The following TMEM11 variants were observed in gnomAD, a reference collection of about 807,000 sequenced individuals.
TMEM11 encodes transmembrane protein 11, mitochondrial.
In TMEM11, 1 loss-of-function variant was observed where a neutral mutation model predicts 17.0. The observed-to-expected ratio is 0.06, with a 90% CI of 0.02 to 0.28. The LOEUF (loss-of-function observed/expected upper bound fraction) is 0.28, where lower values mean the gene tolerates loss of function less well. TMEM11 is among the 10% of genes least tolerant of loss of function. The probability of loss-of-function intolerance (pLI) is 1.00; values close to 1 mark genes in which losing one functional copy is unlikely to be tolerated. For synonymous variants in TMEM11, 122 were observed against 118.1 expected (o/e 1.03, Z -0.21); for missense variants, 172 against 252.9 (o/e 0.68, Z 2.17).
chr17:21,210,622 A>G (rs1286098316), intron 1 of TMEM11, among the ~76,000 whole-genome samples: 1 of 152,218 alleles, frequency 6.6e-6, no homozygotes, highest in Non-Finnish European at 1.5e-5. Context: ...ATGAACGTGT[A>G]AGGGCCACCT....
At chr17:21,213,969 G>A in intron 1 of TMEM11, 122 bp downstream of exon 1, 1 of 968,520 alleles carries the variant, frequency 1.0e-6, no homozygotes, top group Non-Finnish European at 1.5e-6. Flanking sequence ...AGTATGCCCG[G>A]CGAGGGTAGG....
rs1000351856 is a variant in TMEM11, at chr17:21,210,927, T to A, written c.62+3164A>T. On this transcript the variant is annotated intron_variant, in intron 1 of 1. Transcript: ENST00000317635. ...AAACAGGAACTCAAGAGCACACAGCTATACTCACATTCCAACAATCACGGA... is the reference window on the plus strand; with the variant it reads ...AAACAGGAACTCAAGAGCACACAGCAATACTCACATTCCAACAATCACGGA... The A allele has an allele frequency of 2.3e-6, 3 of 1,281,248 alleles. No homozygotes were observed. The African/African-American group carries it at 4.6e-5, about 20-fold the overall frequency. The allele number at this position is 1,281,248 out of a possible 1,614,324, so 79.4% of individuals were successfully genotyped here. A position where few individuals can be genotyped will look rare whatever the true frequency, so the allele number is the denominator to read the frequency against.
intron 1 of TMEM11, chr17:21,211,186 G>A (rs1465485672): frequency 1.6e-6 from 2 of 1,289,874 alleles, no homozygotes; most frequent in Non-Finnish European, 2.0e-6. Context: ...TCAGGTTACA[G>A]CTCAGAGTCT....
In TMEM11 at chr17:21,198,805, T is replaced by A; in HGVS notation, c.98A>T (p.His33Leu). ...SLSATDCYIVHEIYNGENAQD... is the reference protein window; with the variant it reads ...SLSATDCYIVLEIYNGENAQD... The stretch of plus-strand genomic sequence containing the variant: ...GGCATTCTCCCCATTGTAGATCTCA[T>A]GCACAATGTAGCAGTCTGTGGCCGA... The change falls in exon 2 of 2, where the codon CAT (histidine) becomes CTT (leucine). Residue 33 changes from histidine to leucine, a missense_variant. Physicochemically the swap from His to Leu is moderately conservative, Grantham distance 99. Around this residue, in one of 2 missense-constraint regions of TMEM11, gnomAD observed 123 missense variants for 213.6 expected, o/e 0.58. Transcript: ENST00000317635. The surrounding 1 kb of genome is among the most constrained non-coding windows in gnomAD (Gnocchi z 6.5). The A allele has an allele frequency of 6.2e-7, 1 of 1,613,272 alleles. No individual in the cohort carries two copies. The highest frequency in any genetic ancestry group is 8.5e-7 in the Non-Finnish European group (1 of 1,179,804).
chr17:21,213,994 A>G, intron 1 of TMEM11, 97 bp downstream of exon 1: 1 of 1,192,010 alleles, frequency 8.4e-7, no homozygotes, highest in East Asian at 2.6e-5. Context: ...GCGCGGGGAA[A>G]CCAGGGAAGG....
At chr17:21,206,767 C>T (rs1974947106) in intron 1 of TMEM11, among the ~76,000 whole-genome samples, 1 of 152,132 alleles carries the variant, frequency 6.6e-6, no homozygotes, top group Non-Finnish European at 1.5e-5. Flanking sequence ...AACTCCTGAT[C>T]TCAGGTGATC....
chr17:21,203,433 A>G lies in TMEM11; in HGVS notation c.63-4593T>C, dbSNP rs376157392. Among the ~76,000 whole-genome samples, 61 of 152,302 alleles carry G rather than the reference A, an allele frequency of 4.0e-4. 1 individual carries two copies. The East Asian group carries it at 8.9e-3, about 22-fold the overall frequency. On this transcript the variant is annotated intron_variant, in intron 1 of 1. Coordinates refer to ENST00000317635, the MANE Select transcript of TMEM11 (RefSeq NM_003876.3). ...TCTCTTACTTCAGAAATTCGTGGCC[A>G]TGACCAGGTGCGGTGGCTCACGCCT...
chr17:21,212,179 A>G (rs929438842), intron 1 of TMEM11, among the ~76,000 whole-genome samples: 6 of 152,050 alleles, frequency 3.9e-5, no homozygotes, highest in Admixed American at 6.5e-5. Context: ...GTCTCCACCC[A>G]TACCACGTTA....
At chr17:21,212,494 G>A (rs765020219) in intron 1 of TMEM11, among the ~76,000 whole-genome samples, 8 of 152,206 alleles carry the variant, frequency 5.3e-5, no homozygotes, top group Non-Finnish European at 7.3e-5. Context: ...AAATCTGCTG[G>A]CAACTAATTT....
At chr17:21,199,678 T>G (rs1161454225) in intron 1 of TMEM11, among the ~76,000 whole-genome samples, 1 of 152,218 alleles carries the variant, frequency 6.6e-6, no homozygotes, top group African/African-American at 2.4e-5. Flanking sequence ...GAGCTTTGCC[T>G]TGGGCGAATG....
rs1974847453 is a variant in TMEM11 at position 21,198,716 on chromosome 17, C to T, written c.187G>A (p.Glu63Lys). The T allele has an allele frequency of 6.2e-7, 1 of 1,614,150 alleles. No individual in the cohort carries two copies. Among genetic ancestry groups the T allele is most frequent in the Non-Finnish European group, 8.5e-7 (1 of 1,180,056 alleles). The change falls in exon 2 of 2, where the codon GAG becomes AAG. Residue 63 changes from glutamate (E) to lysine (K), a missense_variant. Physicochemically the swap from Glu to Lys is moderately conservative, Grantham distance 56 (BLOSUM62 1). Around this residue, in one of 2 missense-constraint regions of TMEM11, gnomAD observed 123 missense variants for 213.6 expected, o/e 0.58. Coordinates refer to ENST00000317635, the MANE Select transcript of TMEM11 (RefSeq NM_003876.3). The surrounding 1 kb of genome is among the most constrained non-coding windows in gnomAD (Gnocchi z 6.5). ...LEAQYKYIVIEPTRIGDETAR... is the reference protein window; with the variant it reads ...LEAQYKYIVIKPTRIGDETAR... ...GTCTCGTCGCCAATGCGAGTGGGCT[C>T]AATCACAATGTACTTGTACTGGGCT... is the stretch of plus-strand genomic sequence containing the variant.
At chr17:21,203,544 G>A (rs965813482) in intron 1 of TMEM11, among the ~76,000 whole-genome samples, 1 of 151,922 alleles carries the variant, frequency 6.6e-6, no homozygotes, top group Non-Finnish European at 1.5e-5. Context: ...AGGTGAAACC[G>A]TCTTTACCAA....
chr17:21,198,276 G>T lies in TMEM11; in HGVS notation c.*48C>A, dbSNP rs765941424. On this transcript the variant is annotated 3_prime_UTR_variant, in exon 2 of 2. Transcript: ENST00000317635. The surrounding 1 kb of genome is among the most constrained non-coding windows in gnomAD (Gnocchi z 6.5). ...AGTGTGGCGATCTGAATACTCTGTT[G>T]TCTCTTGTGGGCCGGGTGGTTTTGC... The T allele has an allele frequency of 1.3e-5, 21 of 1,572,012 alleles. No individual in the cohort carries two copies. In the South Asian group the frequency reaches 2.5e-4, roughly 19 times the overall value.
intron 1 of TMEM11, among the ~76,000 whole-genome samples, chr17:21,211,399 TA>T (rs1232744102): frequency 6.6e-6 from 1 of 152,364 alleles, no homozygotes; most frequent in South Asian, 2.1e-4. Flanking sequence ...CGGAAGTGGC[TA>T]TTGAGCACTT....
intron 1 of TMEM11, among the ~76,000 whole-genome samples, chr17:21,212,257 T>A (rs1307671050): frequency 2.0e-5 from 3 of 152,110 alleles, no homozygotes; most frequent in Non-Finnish European, 4.4e-5. Flanking sequence ...ACACACAACA[T>A]CTGCGTGTGT....
intron 1 of TMEM11, 186 bp downstream of exon 1, chr17:21,213,905 G>A: frequency 1.7e-6 from 1 of 590,592 alleles, no homozygotes; most frequent in Non-Finnish European, 2.9e-6. Context: ...GCTCTCCGCC[G>A]AGGCCTTCGA....
intron 1 of TMEM11, among the ~76,000 whole-genome samples, chr17:21,199,909 C>T (rs1291587923): frequency 1.3e-5 from 2 of 152,228 alleles, no homozygotes; most frequent in African/African-American, 4.8e-5. Context: ...GCAGGAGGGT[C>T]AACTGAGGGG....
Position 21,204,994 on chromosome 17 carries a change from C to T in TMEM11, c.63-6154G>A, listed in dbSNP as rs550517186. Among the ~76,000 whole-genome samples, 8 of 152,250 alleles carry T rather than the reference C, an allele frequency of 5.3e-5. No homozygotes were observed. In the East Asian group the frequency reaches 1.5e-3, roughly 29 times the overall value. Reference sequence around the variant, plus strand: ...AAAGTGGGCATCTTGAACTTCCTCCCTCAGCCTTCAACCAGAGTCAGCCTT... The same window carrying T: ...AAAGTGGGCATCTTGAACTTCCTCCTTCAGCCTTCAACCAGAGTCAGCCTT... On this transcript the variant is annotated intron_variant, in intron 1 of 1. Transcript: ENST00000317635.
intron 1 of TMEM11, among the ~76,000 whole-genome samples, chr17:21,202,089 C>G (rs920047233): frequency 2.6e-5 from 4 of 152,090 alleles, no homozygotes; most frequent in Non-Finnish European, 4.4e-5. Flanking sequence ...CCTGGGTGTG[C>G]GGGGAGGGGC....
Sources: allele counts gnomAD v4.1 joint callset (sites outside exome capture counted in the v4.1 genomes callset), GRCh38; gene constraint gnomAD v4.1.1; regional missense constraint gnomAD v4.1.1; non-coding constraint Gnocchi (gnomAD v3.1); transcripts MANE v1.5; gene names NCBI Gene and HGNC (gene_info 2026-07-23, HGNC 2026-07-21).